QTMAN: variants seen among roughly 807,000 people sequenced by gnomAD.
QTMAN encodes the protein tRNA-queuosine alpha-mannosyltransferase.
At chr2:144,130,360 T>G in the QTMAN span, among the ~76,000 whole-genome samples, 1 of 151,912 alleles carries the variant, frequency 6.6e-6, no homozygotes, top group Non-Finnish European at 1.5e-5. Flanking sequence ...CTAAGAAGAA[T>G]TTTGGCACTC....
chr2:144,208,860 TTAA>T, the QTMAN span: 2 of 1,006,042 alleles, frequency 2.0e-6, no homozygotes, highest in Non-Finnish European at 2.8e-6. Flanking sequence ...TATAAAATTT[TTAA>T]TAAAAATAAG....
the QTMAN span, among the ~76,000 whole-genome samples, chr2:144,259,626 C>T: frequency 6.6e-6 from 1 of 152,078 alleles, no homozygotes; most frequent in Admixed American, 6.6e-5. Context: ...AAATATACAA[C>T]TAAAAGAAAA....
chr2:144,055,561 C>T, the QTMAN span, among the ~76,000 whole-genome samples: 345 of 152,032 alleles, frequency 2.3e-3, 3 homozygotes, highest in Non-Finnish European at 2.7e-3. Flanking sequence ...AAGGTAATCG[C>T]GTGGTGCAAA....
chr2:144,221,501 G>A, the QTMAN span, among the ~76,000 whole-genome samples: 1 of 152,102 alleles, frequency 6.6e-6, no homozygotes, highest in Admixed American at 6.6e-5. Flanking sequence ...GAGAGAAAGA[G>A]TACATGCACA....
chr2:144,257,583 G>C, the QTMAN span, among the ~76,000 whole-genome samples: 4 of 152,116 alleles, frequency 2.6e-5, no homozygotes, highest in Admixed American at 2.0e-4. Flanking sequence ...ACTGAGGTGA[G>C]ACATGTCCCT....
the QTMAN span, among the ~76,000 whole-genome samples, chr2:144,219,283 A>G: frequency 1.3e-5 from 2 of 152,010 alleles, no homozygotes; most frequent in Non-Finnish European, 2.9e-5. Context: ...GGCACGCACC[A>G]CCATGCTTGG....
chr2:144,133,151 A>ATATATATATATAATATATAT, the QTMAN span, among the ~76,000 whole-genome samples: 2 of 51,394 alleles, frequency 3.9e-5, no homozygotes, highest in African/African-American at 1.8e-4. Flanking sequence ...ATATATATAT[A>ATATATATATATAATATATAT]ATATAATATA....
the QTMAN span, among the ~76,000 whole-genome samples, chr2:144,287,163 A>G: frequency 6.6e-6 from 1 of 152,192 alleles, no homozygotes; most frequent in Non-Finnish European, 1.5e-5. Flanking sequence ...TTGGCCGGGC[A>G]CGGTGGCTCA....
the QTMAN span, among the ~76,000 whole-genome samples, chr2:144,296,637 T>C: frequency 6.6e-6 from 1 of 152,248 alleles, no homozygotes; most frequent in Admixed American, 6.5e-5. Flanking sequence ...ACTTCATTTT[T>C]ATTTCAATTT....
the QTMAN span, among the ~76,000 whole-genome samples, chr2:144,119,636 C>T: frequency 6.6e-6 from 1 of 152,190 alleles, no homozygotes; most frequent in East Asian, 1.9e-4. Context: ...CCTGTAGGAC[C>T]TCTGGCAAGG....
the QTMAN span, chr2:143,952,880 A>G: frequency 1.6e-6 from 2 of 1,248,362 alleles, no homozygotes; most frequent in Non-Finnish European, 2.3e-6. Context: ...GAATATATTA[A>G]AAAGACATTA....
At chr2:144,013,574 G>A in the QTMAN span, among the ~76,000 whole-genome samples, 1 of 152,088 alleles carries the variant, frequency 6.6e-6, no homozygotes, top group East Asian at 1.9e-4. Context: ...GAGAATCAGT[G>A]AAAAAGTGAC....
the QTMAN span, chr2:144,177,053 AT>A: frequency 1.5e-6 from 1 of 667,460 alleles, no homozygotes. Context: ...AAACAGCCAG[AT>A]TTCATAAGAA....
the QTMAN span, among the ~76,000 whole-genome samples, chr2:144,182,919 T>C: frequency 1.8e-5 from 2 of 112,122 alleles, no homozygotes; most frequent in African/African-American, 6.3e-5. Flanking sequence ...ATATATAAAA[T>C]ATGAGAAAAG....
the QTMAN span, among the ~76,000 whole-genome samples, chr2:144,259,670 C>T: frequency 6.6e-6 from 1 of 152,130 alleles, no homozygotes; most frequent in Non-Finnish European, 1.5e-5. Flanking sequence ...TACACTTAAA[C>T]TAAAACACAA....
the QTMAN span, among the ~76,000 whole-genome samples, chr2:143,974,586 T>C: frequency 6.6e-6 from 1 of 152,230 alleles, no homozygotes; most frequent in Non-Finnish European, 1.5e-5. Flanking sequence ...CAGAGTGGCA[T>C]GATCTGTGTA....
At chr2:144,124,929 G>A in the QTMAN span, among the ~76,000 whole-genome samples, 1 of 152,006 alleles carries the variant, frequency 6.6e-6, no homozygotes, top group Non-Finnish European at 1.5e-5. Context: ...CTTTTCTTAG[G>A]AAAACTTACA....
chr2:144,128,945 TCTC>T, the QTMAN span, among the ~76,000 whole-genome samples: 1 of 151,534 alleles, frequency 6.6e-6, no homozygotes, highest in African/African-American at 2.4e-5. Context: ...CCCCTTGTCT[TCTC>T]CTTGTCTTTT....
At chr2:144,065,577 C>T in the QTMAN span, among the ~76,000 whole-genome samples, 1 of 152,216 alleles carries the variant, frequency 6.6e-6, no homozygotes, top group South Asian at 2.1e-4. Context: ...TTCCACTTGC[C>T]CTTTCAGACC....
Sources: gnomAD v4.1 joint callset for allele counts (sites outside exome capture counted in the v4.1 genomes callset) on GRCh38, gnomAD v4.1.1 for gene constraint, MANE v1.5 for transcripts, NCBI Gene and HGNC (gene_info 2026-07-23, HGNC 2026-07-21) for gene names.